Variants in ZNF423 observed in about 807,000 individuals in gnomAD.
ZNF423 encodes the protein Ebf-associated zinc finger protein.
ZNF423 carries 12 observed loss-of-function variants against 95.8 expected under a neutral mutation model. That is an observed-to-expected ratio of 0.13 (90% CI 0.08 to 0.20). The LOEUF is 0.20. Ranked by LOEUF, ZNF423 falls within the 10% of genes least tolerant of loss-of-function variation. ZNF423 has a pLI of 1.00. For missense variants in ZNF423, 1,316 were observed against 1,737.1 expected, an observed-to-expected ratio of 0.76 and a Z score of 4.31; for synonymous variants, 749 against 711.9, an observed-to-expected ratio of 1.05 and a Z score of -0.83.
intron 5 of ZNF423, among the ~76,000 whole-genome samples, chr16:49,576,543 C>T (rs1026201325): frequency 2.0e-5 from 3 of 152,238 alleles, no homozygotes; most frequent in African/African-American, 7.2e-5. Flanking sequence ...GACTTGTAGA[C>T]TCAGGCCACT....
intron 5 of ZNF423, among the ~76,000 whole-genome samples, chr16:49,616,500 G>T (rs1337016009): frequency 1.3e-5 from 2 of 152,110 alleles, no homozygotes; most frequent in Non-Finnish European, 2.9e-5. Flanking sequence ...GTAGCACAAA[G>T]AAAGAATAAA....
At chr16:49,633,734 C>G (rs943505133) in intron 4 of ZNF423, among the ~76,000 whole-genome samples, 2 of 152,146 alleles carry the variant, frequency 1.3e-5, no homozygotes, top group African/African-American at 4.8e-5. Context: ...TGCTCAGCCC[C>G]TGGAGGGGGT....
At chr16:49,844,976 A>T (rs1230356633) in intron 1 of ZNF423, among the ~76,000 whole-genome samples, 2 of 132,980 alleles carry the variant, frequency 1.5e-5, no homozygotes, top group African/African-American at 5.7e-5. Context: ...CAGAGGTTGC[A>T]GTGAGCAGAG....
chr16:49,669,702 T>A (rs2030718216), intron 3 of ZNF423, among the ~76,000 whole-genome samples: 1 of 151,900 alleles, frequency 6.6e-6, no homozygotes, highest in South Asian at 2.1e-4. Context: ...GTTGGTGATA[T>A]CTCCCCCTGC....
intron 2 of ZNF423, among the ~76,000 whole-genome samples, chr16:49,782,409 C>T (rs2034226731): frequency 6.6e-6 from 1 of 152,240 alleles, no homozygotes; most frequent in Non-Finnish European, 1.5e-5. Context: ...CCTAGAAGCA[C>T]CTCGTAAATG....
At position 49,855,149 on chromosome 16, in the gene ZNF423, C is replaced by A. The variant is rs1392186835; in HGVS notation, c.40+586G>T. On this transcript the variant is annotated intron_variant, in intron 1 of 7. Transcript: ENST00000563137. This position sits in a 1 kb window ranked among gnomAD's most constrained non-coding sequence, Gnocchi z 4.7. ...AGGCCTGGGCAGGGGCGGGAGGGGG[C>A]GCCAGGCGGCCGGGGCGAGGGCGCG... is the stretch of plus-strand genomic sequence containing the variant. Among the ~76,000 whole-genome samples the A allele has an allele frequency of 6.7e-6, 1 of 150,266 alleles. No individual in the cohort carries two copies. Among genetic ancestry groups the A allele is most frequent in the African/African-American group, 2.4e-5 (1 of 41,058 alleles).
chr16:49,815,914 A>ATATATT (rs1445194160), intron 1 of ZNF423, among the ~76,000 whole-genome samples: 24 of 29,776 alleles, frequency 8.1e-4, no homozygotes, highest in Non-Finnish European at 1.1e-3. Context: ...ATATATATAT[A>ATATATT]TTTTTTTTTT....
At chr16:49,663,836 G>T (rs1023706246) in intron 3 of ZNF423, among the ~76,000 whole-genome samples, 4 of 152,126 alleles carry the variant, frequency 2.6e-5, no homozygotes, top group African/African-American at 9.7e-5. Context: ...ATGCCGCAGG[G>T]CCCCACCCAG....
intron 7 of ZNF423, among the ~76,000 whole-genome samples, chr16:49,493,577 A>T (rs188042655): frequency 6.6e-6 from 1 of 152,182 alleles, no homozygotes; most frequent in East Asian, 1.9e-4. Flanking sequence ...GTCATTCTTT[A>T]TTAGGGGGAG....
chr16:49,524,752 G>A (rs1424873432), intron 6 of ZNF423, among the ~76,000 whole-genome samples: 2 of 152,230 alleles, frequency 1.3e-5, no homozygotes, highest in Non-Finnish European at 1.5e-5. Flanking sequence ...TGTCGGGGGA[G>A]GCAGGGAAGG....
At chr16:49,557,205 CCAT>C (rs1325881220) in intron 5 of ZNF423, among the ~76,000 whole-genome samples, 1 of 152,212 alleles carries the variant, frequency 6.6e-6, no homozygotes, top group East Asian at 1.9e-4. Flanking sequence ...CTGCACGCCG[CCAT>C]CGGAGAGTAT....
chr16:49,734,904 C>G (rs1448648545), intron 2 of ZNF423, among the ~76,000 whole-genome samples: 1 of 152,148 alleles, frequency 6.6e-6, no homozygotes, highest in East Asian at 1.9e-4. Flanking sequence ...ATCATATCCC[C>G]ATTTTACAGG....
intron 2 of ZNF423, among the ~76,000 whole-genome samples, chr16:49,750,561 G>A (rs561729733): frequency 3.6e-4 from 55 of 152,306 alleles, no homozygotes; most frequent in Middle Eastern, 3.4e-3. Context: ...GAAGAGAGGC[G>A]CAGGGGCATT....
At chr16:49,755,348 T>C (rs1343957415) in intron 2 of ZNF423, among the ~76,000 whole-genome samples, 1 of 152,178 alleles carries the variant, frequency 6.6e-6, no homozygotes, top group Non-Finnish European at 1.5e-5. Flanking sequence ...TTCTGTAATC[T>C]TTTTCTAATC....
chr16:49,825,221 CTG>C (rs1305782985), intron 1 of ZNF423, among the ~76,000 whole-genome samples: 1 of 152,134 alleles, frequency 6.6e-6, no homozygotes, highest in African/African-American at 2.4e-5. Flanking sequence ...CAGGATGTAA[CTG>C]TTTCCTTTGG....
chr16:49,745,770 G>A (rs149060573), intron 2 of ZNF423, among the ~76,000 whole-genome samples: 7 of 152,272 alleles, frequency 4.6e-5, no homozygotes, highest in African/African-American at 1.2e-4. Flanking sequence ...ATAAATTGCC[G>A]AGATGCCTTG....
intron 1 of ZNF423, among the ~76,000 whole-genome samples, chr16:49,841,112 G>C (rs548535406): frequency 6.6e-6 from 1 of 152,336 alleles, no homozygotes; most frequent in Admixed American, 6.5e-5. Context: ...CCATTTCAAA[G>C]GAAAAGAAAC....
At chr16:49,496,902 T>C (rs370203986) in intron 7 of ZNF423, among the ~76,000 whole-genome samples, 4 of 152,144 alleles carry the variant, frequency 2.6e-5, no homozygotes, top group African/African-American at 9.7e-5. Context: ...GAGGGCCTCA[T>C]AGAGGTTTAA....
chr16:49,692,675 T>C (rs78233425), intron 3 of ZNF423, among the ~76,000 whole-genome samples: 4,882 of 152,244 alleles, frequency 0.032, 194 homozygotes, highest in East Asian at 0.11. Context: ...GAAGCTACAA[T>C]CCTGGGTGGA....
Sources: gnomAD v4.1 joint callset for allele counts (sites outside exome capture counted in the v4.1 genomes callset) on GRCh38, gnomAD v4.1.1 for gene constraint, Gnocchi (gnomAD v3.1) non-coding constraint, MANE v1.5 for transcripts, NCBI Gene and HGNC (gene_info 2026-07-23, HGNC 2026-07-21) for gene names.